NPAS3: variants seen among roughly 807,000 people sequenced by gnomAD.
NPAS3 encodes the protein neuronal PAS domain-containing protein 3.
A neutral mutation model predicts 73.1 loss-of-function variants in NPAS3; 14 were observed. The observed-to-expected ratio is 0.19, with a 90% CI of 0.13 to 0.30. The LOEUF (loss-of-function observed/expected upper bound fraction) is 0.30. Among genes scored for constraint, NPAS3 ranks in the 10% least tolerant of loss-of-function variants. NPAS3 has a pLI of 1.00. For synonymous variants in NPAS3, 620 were observed against 541.5 expected (o/e 1.14, Z -2.01); for missense variants, 1,096 against 1,250.0 (o/e 0.88, Z 1.86).
chr14:33,129,087 A>G (rs1327127033), intron 2 of NPAS3, among the ~76,000 whole-genome samples: 1 of 152,080 alleles, frequency 6.6e-6, no homozygotes, highest in Non-Finnish European at 1.5e-5. Context: ...CAAGATTTCC[A>G]GTCTCTCTTC....
At chr14:33,671,514 A>T (rs2059609442) in intron 5 of NPAS3, among the ~76,000 whole-genome samples, 1 of 152,204 alleles carries the variant, frequency 6.6e-6, no homozygotes. Context: ...TCTGGATGGC[A>T]CTAGTGACTA....
intron 7 of NPAS3, among the ~76,000 whole-genome samples, chr14:33,756,612 A>AG (rs2062123473): frequency 6.6e-6 from 1 of 152,238 alleles, no homozygotes; most frequent in South Asian, 2.1e-4. Context: ...TTATTTACAG[A>AG]AAGGAGATAC....
At chr14:33,246,766 G>C (rs903712880) in intron 3 of NPAS3, among the ~76,000 whole-genome samples, 3 of 146,360 alleles carry the variant, frequency 2.0e-5, no homozygotes, top group Non-Finnish European at 3.0e-5. Context: ...CCCAAGGCGG[G>C]TGGATCACCT....
chr14:33,630,395 C>T (rs1370574735), intron 5 of NPAS3, among the ~76,000 whole-genome samples: 1 of 152,196 alleles, frequency 6.6e-6, no homozygotes, highest in Non-Finnish European at 1.5e-5. Context: ...CCCCTCCTAA[C>T]TTAGTACAGT....
In NPAS3 at chr14:33,547,577, G is replaced by A. The variant is rs749831485; in HGVS notation, c.469-12544G>A. 3.0e-4 allele frequency among the ~76,000 whole-genome samples: 46 copies of A among 152,286 alleles called. No homozygotes were observed. The Middle Eastern group carries it at 0.017, about 56-fold the overall frequency. On this transcript the variant is annotated intron_variant, in intron 4 of 11. Coordinates refer to ENST00000356141, the Ensembl canonical transcript of NPAS3. ...AAGTACGGTCCACGCTCTCCCTGCA[G>A]CCATCAGCCCCTCTTTCACTAAATG...
chr14:33,416,049 G>A (rs1332007635), intron 4 of NPAS3, among the ~76,000 whole-genome samples: 1 of 152,042 alleles, frequency 6.6e-6, no homozygotes, highest in Non-Finnish European at 1.5e-5. Flanking sequence ...CTACATGGGA[G>A]TACCTCTGCA....
chr14:33,255,704 C>T (rs796398812), intron 3 of NPAS3, among the ~76,000 whole-genome samples: 1 of 152,264 alleles, frequency 6.6e-6, no homozygotes, highest in South Asian at 2.1e-4. Context: ...GATGGTATAG[C>T]CTTAGTCTTG....
chr14:33,800,500 C>A lies in NPAS3; in HGVS notation c.2193C>A (p.Phe731Leu). 2 of 1,441,310 alleles carry A rather than the reference C, an allele frequency of 1.4e-6. No homozygotes were observed. The highest frequency in any genetic ancestry group is 9.0e-7 in the Non-Finnish European group (1 of 1,104,974). The allele number at this position is 1,441,310 out of a possible 1,614,324, so 89.3% of individuals were successfully genotyped here. The change falls in exon 12 of 12, where the codon TTC becomes TTA. Residue 731 changes from phenylalanine (F) to leucine (L), a missense_variant. By Grantham distance (22) the Phe-to-Leu change is conservative. Coordinates refer to ENST00000356141, the Ensembl canonical transcript of NPAS3. This position sits in a 1 kb window ranked among gnomAD's most constrained non-coding sequence, Gnocchi z 6.5. ...GCGCGGCCGCCCGCAAGACTCAGTT[C>A]GGCGCCTCGGCCACCGCGGCCCTGG...
intron 1 of NPAS3, among the ~76,000 whole-genome samples, chr14:33,039,834 A>G (rs920780471): frequency 6.6e-6 from 1 of 152,338 alleles, no homozygotes; most frequent in South Asian, 2.1e-4. Flanking sequence ...TCTGGGAATC[A>G]GGCCTTTAAA....
At chr14:33,012,429 C>G (rs2039237976) in intron 1 of NPAS3, among the ~76,000 whole-genome samples, 1 of 152,092 alleles carries the variant, frequency 6.6e-6, no homozygotes, top group South Asian at 2.1e-4. Context: ...ATAGCGGGAA[C>G]CATGTTTTTT....
At chr14:33,697,040 G>A (rs2060403023) in intron 6 of NPAS3, among the ~76,000 whole-genome samples, 1 of 152,158 alleles carries the variant, frequency 6.6e-6, no homozygotes, top group African/African-American at 2.4e-5. Context: ...ATAGAAGAAA[G>A]CCTGGTCTTT....
At position 33,800,633 on chromosome 14, in the gene NPAS3, GGCGGCCCCAGCGCGTCCAACT is replaced by G; in HGVS notation, c.2327_2347del (p.Gly776_Ser783delinsAla). 1 of 1,393,742 alleles carries G rather than the reference GGCGGCCCCAGCGCGTCCAACT, an allele frequency of 7.2e-7. No homozygotes were observed. Among genetic ancestry groups the G allele is most frequent in the Non-Finnish European group, 9.2e-7 (1 of 1,081,876 alleles). The allele number at this position is 1,393,742 out of a possible 1,614,324, so 86.3% of individuals were successfully genotyped here. Reference sequence around the variant, plus strand: ...GGGCGGGGGCGGCGGCGCGGGGGGCGGCGGCCCCAGCGCGTCCAACTCCTTGCTGTACACTGGGGACCTGGA... The same window carrying G: ...GGGCGGGGGCGGCGGCGCGGGGGGCGCCTTGCTGTACACTGGGGACCTGGA... On this transcript the variant is annotated inframe_deletion, in exon 12 of 12. Coordinates refer to ENST00000356141, the Ensembl canonical transcript of NPAS3. The surrounding 1 kb of genome is among the most constrained non-coding windows in gnomAD (Gnocchi z 6.5).
intron 2 of NPAS3, among the ~76,000 whole-genome samples, chr14:33,187,622 G>A (rs1226137178): frequency 5.9e-5 from 9 of 152,238 alleles, no homozygotes; most frequent in East Asian, 1.9e-4. Flanking sequence ...GTTGAAGCCC[G>A]GAGTTTGAGA....
intron 5 of NPAS3, among the ~76,000 whole-genome samples, chr14:33,561,004 C>T (rs1250578329): frequency 1.3e-5 from 2 of 152,140 alleles, no homozygotes; most frequent in African/African-American, 2.4e-5. Flanking sequence ...GTATTTGCGC[C>T]CATACAGGTG....
At chr14:33,602,794 C>T (rs931848623) in intron 5 of NPAS3, among the ~76,000 whole-genome samples, 2 of 152,110 alleles carry the variant, frequency 1.3e-5, no homozygotes, top group African/African-American at 4.8e-5. Context: ...ATTCAGCAGG[C>T]CTTGATTCAG....
At chr14:33,746,043 C>T (rs1240117844) in intron 7 of NPAS3, among the ~76,000 whole-genome samples, 2 of 152,144 alleles carry the variant, frequency 1.3e-5, no homozygotes, top group Non-Finnish European at 2.9e-5. Flanking sequence ...TTGATTAGAG[C>T]ATCTATATCC....
chr14:33,143,078 C>T (rs1191364121), intron 2 of NPAS3, among the ~76,000 whole-genome samples: 1 of 152,174 alleles, frequency 6.6e-6, no homozygotes, highest in Non-Finnish European at 1.5e-5. Context: ...GCACTCCAGC[C>T]TGGGCAACAA....
At position 33,693,937 on chromosome 14, in the gene NPAS3, C is replaced by T. The variant is rs61973003; in HGVS notation, c.733+17552C>T. On this transcript the variant is annotated intron_variant, in intron 6 of 11. Coordinates refer to ENST00000356141, the Ensembl canonical transcript of NPAS3. ...CTGCACTGATTTCCTTGCGGACCTG[C>T]GTACCTCTGACTAACTTAAAGAATT... Among the ~76,000 whole-genome samples, 336 of 152,196 alleles carry T rather than the reference C, an allele frequency of 2.2e-3. 3 individuals are homozygous for T. Among genetic ancestry groups the T allele is most frequent in the Non-Finnish European group, 3.7e-3 (252 of 68,000 alleles).
chr14:33,580,276 A>G (rs1240469630), intron 5 of NPAS3, among the ~76,000 whole-genome samples: 1 of 152,178 alleles, frequency 6.6e-6, no homozygotes, highest in Non-Finnish European at 1.5e-5. Flanking sequence ...CGTCTTCTTT[A>G]TTAACTGGGC....
Sources: allele counts gnomAD v4.1 joint callset (sites outside exome capture counted in the v4.1 genomes callset), GRCh38; gene constraint gnomAD v4.1.1; non-coding constraint Gnocchi (gnomAD v3.1); transcripts MANE v1.5; gene names NCBI Gene and HGNC (gene_info 2026-07-23, HGNC 2026-07-21).